Variants in NXPE2 observed in about 807,000 individuals in gnomAD.
NXPE2 encodes NXPE family member 2.
A neutral mutation model predicts 34.4 loss-of-function variants in NXPE2; 34 were observed. The ratio of observed to expected loss-of-function variants is 0.99; its 90% CI spans 0.75 to 1.31. The LOEUF (loss-of-function observed/expected upper bound fraction) is 1.31. Among genes scored for constraint, NXPE2 ranks in the 40% most tolerant of loss-of-function variants. The pLI is 0.00. For synonymous variants in NXPE2, 235 were observed against 231.3 expected (o/e 1.02, Z -0.15); for missense variants, 649 against 672.5 (o/e 0.97, Z 0.39).
the NXPE2 span, among the ~76,000 whole-genome samples, chr11:114,495,908 G>T: frequency 6.6e-6 from 1 of 151,996 alleles, no homozygotes; most frequent in Non-Finnish European, 1.5e-5. Context: ...CTCTTTACTT[G>T]TCTCTGTCCT....
At chr11:114,609,866 C>A in the NXPE2 span, among the ~76,000 whole-genome samples, 1 of 151,754 alleles carries the variant, frequency 6.6e-6, no homozygotes, top group Admixed American at 6.6e-5. Flanking sequence ...TCGCGGGTAA[C>A]CACTCTTACC....
chr11:114,706,815 A>AT lies in NXPE2; in HGVS notation c.1566dup (p.Val523CysfsTer5). The AT allele has an allele frequency of 6.4e-7, 1 of 1,552,164 alleles. No homozygotes were observed. The highest frequency in any genetic ancestry group is 1.2e-5 in the South Asian group (1 of 84,056). On this transcript the variant is annotated frameshift_variant, in exon 6 of 6. Coordinates refer to ENST00000389586, the MANE Select transcript of NXPE2 (RefSeq NM_182495.6). LOFTEE classifies it low-confidence loss of function (END_TRUNC). ...ATAAGAGATATTTTTGTGGATCTTAATGTGGGTATTATTGATGCCTGGGAC... is the reference window on the plus strand; with the variant it reads ...ATAAGAGATATTTTTGTGGATCTTAATTGTGGGTATTATTGATGCCTGGGAC...
At chr11:114,748,743 C>A in the NXPE2 span, among the ~76,000 whole-genome samples, 7 of 152,216 alleles carry the variant, frequency 4.6e-5, no homozygotes, top group Non-Finnish European at 1.0e-4. Flanking sequence ...ATGGTATCTG[C>A]CATGCTTCTC....
the NXPE2 span, among the ~76,000 whole-genome samples, chr11:114,537,271 G>A: frequency 6.6e-6 from 1 of 152,056 alleles, no homozygotes; most frequent in Admixed American, 6.5e-5. Context: ...GGTATTGATG[G>A]GACATATCTC....
At chr11:114,607,223 G>A in the NXPE2 span, among the ~76,000 whole-genome samples, 6 of 151,546 alleles carry the variant, frequency 4.0e-5, no homozygotes, top group East Asian at 5.9e-4. Flanking sequence ...ATGTTACCTC[G>A]TGTGTAACCA....
chr11:114,489,241 C>T, the NXPE2 span, among the ~76,000 whole-genome samples: 2 of 152,204 alleles, frequency 1.3e-5, no homozygotes, highest in South Asian at 4.1e-4. Context: ...AAAAAAAGTC[C>T]GGGACCAGAT....
chr11:114,706,630 C>T lies in NXPE2; in HGVS notation c.1380C>T (p.Asn460=), dbSNP rs1231283097. The T allele has an allele frequency of 5.8e-6, 9 of 1,551,800 alleles. No homozygotes were observed. Among genetic ancestry groups the T allele is most frequent in the African/African-American group, 1.4e-5 (1 of 73,042 alleles). ...AACACTTCAGACCCTTTCCCATCAA[C>T]ATTTTCATCCGTAGGGCCATCAATA... ...LGQHFRPFPI[N]IFIRRAINIQ... is the part of the protein sequence containing the mutation. The change falls in exon 6 of 6, where the codon AAC becomes AAT. Residue 460 remains asparagine (N), a synonymous_variant. Coordinates refer to ENST00000389586, the MANE Select transcript of NXPE2 (RefSeq NM_182495.6).
At chr11:114,724,357 T>C in the NXPE2 span, among the ~76,000 whole-genome samples, 3 of 152,158 alleles carry the variant, frequency 2.0e-5, no homozygotes, top group Non-Finnish European at 2.9e-5. Flanking sequence ...TCCGCAAGAA[T>C]GAATAAAGCC....
At chr11:114,555,509 G>A in the NXPE2 span, among the ~76,000 whole-genome samples, 1 of 152,196 alleles carries the variant, frequency 6.6e-6, no homozygotes, top group African/African-American at 2.4e-5. Flanking sequence ...ACAGGCGTGA[G>A]CCACCACGCC....
chr11:114,688,489 G>T (rs894844856), intron 2 of NXPE2, among the ~76,000 whole-genome samples: 2 of 152,050 alleles, frequency 1.3e-5, no homozygotes, highest in African/African-American at 4.8e-5. Context: ...CAGTTTGCTA[G>T]TATTTTATCA....
At chr11:114,634,603 C>A in the NXPE2 span, among the ~76,000 whole-genome samples, 27 of 151,984 alleles carry the variant, frequency 1.8e-4, no homozygotes, top group Non-Finnish European at 3.4e-4. Context: ...TTAGGTCTAA[C>A]ATTTAAGTCT....
At chr11:114,796,631 C>G in the NXPE2 span, among the ~76,000 whole-genome samples, 5 of 152,292 alleles carry the variant, frequency 3.3e-5, no homozygotes, top group South Asian at 6.2e-4. Context: ...ACTTATCTAG[C>G]AAATATCCCA....
chr11:114,603,734 A>G, the NXPE2 span, among the ~76,000 whole-genome samples: 13,898 of 150,956 alleles, frequency 0.092, 753 homozygotes, highest in Middle Eastern at 0.2. Context: ...AACTCCTATT[A>G]CCCAGTGGAT....
At chr11:114,490,560 T>C in the NXPE2 span, among the ~76,000 whole-genome samples, 3 of 152,162 alleles carry the variant, frequency 2.0e-5, no homozygotes, top group Non-Finnish European at 2.9e-5. Context: ...TATCTACAAC[T>C]ATCTGATCTT....
the NXPE2 span, chr11:114,582,399 C>G: frequency 5.0e-6 from 8 of 1,614,032 alleles, no homozygotes; most frequent in East Asian, 2.2e-5. Flanking sequence ...ACAGTAGAAG[C>G]CTTCTTGGTC....
the NXPE2 span, chr11:114,527,703 C>T: frequency 2.4e-5 from 13 of 550,652 alleles, no homozygotes; most frequent in Admixed American, 7.1e-5. Context: ...GAGTTCATTT[C>T]TCCCTTTAAA....
the NXPE2 span, among the ~76,000 whole-genome samples, chr11:114,721,259 G>A: frequency 8.5e-6 from 1 of 117,318 alleles, no homozygotes; most frequent in Non-Finnish European, 1.8e-5. Flanking sequence ...TTTTTTTTTT[G>A]TAAATATTCA....
At chr11:114,471,256 AG>A in the NXPE2 span, among the ~76,000 whole-genome samples, 43 of 152,314 alleles carry the variant, frequency 2.8e-4, no homozygotes, top group African/African-American at 1.0e-3. Flanking sequence ...CAAGTTTTAC[AG>A]ATTGAGGTTT....
chr11:114,500,687 C>A, the NXPE2 span, among the ~76,000 whole-genome samples: 1 of 152,038 alleles, frequency 6.6e-6, no homozygotes, highest in African/African-American at 2.4e-5. Flanking sequence ...TCCTTACTTA[C>A]CTAAATATTG....
Sources: gnomAD v4.1 joint callset for allele counts (sites outside exome capture counted in the v4.1 genomes callset) on GRCh38, gnomAD v4.1.1 for gene constraint, MANE v1.5 for transcripts, NCBI Gene and HGNC (gene_info 2026-07-23, HGNC 2026-07-21) for gene names.